Variants in SYNPO2 observed in about 807,000 individuals in gnomAD.
SYNPO2 encodes the protein synaptopodin 2, also known as synaptopodin-2.
A neutral mutation model predicts 85.0 loss-of-function variants in SYNPO2; 56 were observed. The ratio of observed to expected loss-of-function variants is 0.66; its 90% CI spans 0.53 to 0.82. The LOEUF is 0.82. SYNPO2 is among the 40% of genes least tolerant of loss of function. The pLI is 0.00. For synonymous variants in SYNPO2, 602 were observed against 591.1 expected, an observed-to-expected ratio of 1.02 and a Z score of -0.27; for missense variants, 1,575 against 1,534.2, an observed-to-expected ratio of 1.03 and a Z score of -0.44.
At chr4:118,998,904 T>G (rs1388686359) in intron 1 of SYNPO2, among the ~76,000 whole-genome samples, 6 of 152,284 alleles carry the variant, frequency 3.9e-5, no homozygotes, top group African/African-American at 1.2e-4. Flanking sequence ...GTTTTTGTTT[T>G]GTTTTTTCTT....
At chr4:118,968,362 G>A (rs769620925) in intron 1 of SYNPO2, among the ~76,000 whole-genome samples, 3 of 152,168 alleles carry the variant, frequency 2.0e-5, no homozygotes, top group Non-Finnish European at 2.9e-5. Context: ...TTACAGCAAT[G>A]TCCTGGCTCC....
chr4:118,867,235 C>T (rs749528486), intron 1 of SYNPO2, among the ~76,000 whole-genome samples: 5 of 152,082 alleles, frequency 3.3e-5, no homozygotes, highest in Non-Finnish European at 5.9e-5. Flanking sequence ...GAGTTTGCAT[C>T]TACAGTATCT....
intron 1 of SYNPO2, among the ~76,000 whole-genome samples, chr4:119,022,724 A>T (rs200893275): frequency 0.012 from 1,643 of 142,286 alleles, 37 homozygotes; most frequent in African/African-American, 0.039. Flanking sequence ...ATTTTATTTT[A>T]ATTTTATTTT....
intron 1 of SYNPO2, among the ~76,000 whole-genome samples, chr4:119,017,976 A>G (rs1737582935): frequency 6.6e-6 from 1 of 152,216 alleles, no homozygotes; most frequent in Non-Finnish European, 1.5e-5. Context: ...ACAACACAAG[A>G]GAAAAACGAG....
chr4:118,911,473 A>C (rs938091680), intron 1 of SYNPO2, among the ~76,000 whole-genome samples: 2 of 152,136 alleles, frequency 1.3e-5, no homozygotes, highest in African/African-American at 4.8e-5. Flanking sequence ...TCACCTTTCA[A>C]GCAGCTGGAG....
chr4:118,914,500 G>C (rs764287808), intron 1 of SYNPO2, among the ~76,000 whole-genome samples: 1 of 152,122 alleles, frequency 6.6e-6, no homozygotes, highest in Admixed American at 6.6e-5. Context: ...AGTTTAAAAA[G>C]GAGAGTATTT....
chr4:119,018,242 C>T (rs565477810), intron 1 of SYNPO2, among the ~76,000 whole-genome samples: 1 of 152,230 alleles, frequency 6.6e-6, no homozygotes, highest in South Asian at 2.1e-4. Flanking sequence ...AGATAATGCC[C>T]TCCACCTCCA....
chr4:118,871,275 CT>C lies in SYNPO2; in HGVS notation c.12+20346del, dbSNP rs144683675. ...ATCTTTATTTTTCTTTTCTTTATTT[CT>C]TTTTTTTTTTGGATGAAGTTTTGCT... On this transcript the variant is annotated intron_variant, in intron 1 of 4. Transcript: ENST00000610556. 2.8e-3 allele frequency among the ~76,000 whole-genome samples: 408 copies of C among 145,870 alleles called. 3 individuals carry two copies. The East Asian group carries it at 0.028, about 10-fold the overall frequency.
At chr4:118,995,985 A>G (rs1275083021) in intron 1 of SYNPO2, among the ~76,000 whole-genome samples, 23 of 152,038 alleles carry the variant, frequency 1.5e-4, no homozygotes, top group Admixed American at 1.0e-3. Context: ...GTCTTACTAA[A>G]CACAATCCGA....
chr4:118,933,829 G>GTTTTTTTTTTT lies in SYNPO2; in HGVS notation c.105+44695_105+44705dup, dbSNP rs71595334. On this transcript the variant is annotated intron_variant, in intron 1 of 4. Coordinates refer to ENST00000307142, the MANE Select transcript of SYNPO2 (RefSeq NM_133477.3). The stretch of plus-strand genomic sequence containing the variant: ...ATAGCTGCTTTTTGCTGTTGTTGTT[G>GTTTTTTTTTTT]TTTTTTTTTTTTTTTTTGGACAGTA... 4.8e-3 allele frequency among the ~76,000 whole-genome samples: 486 copies of GTTTTTTTTTTT among 101,948 alleles called. 8 individuals carry two copies. Among genetic ancestry groups the GTTTTTTTTTTT allele is most frequent in the Middle Eastern group, 0.01 (1 of 98 alleles). The allele number at this position is 101,948 out of a possible 152,430, so 66.9% of individuals were successfully genotyped here.
At chr4:118,876,665 TTCTCTTTCTTTCTTTCTTTCTTTC>T (rs1731917679) in intron 1 of SYNPO2, among the ~76,000 whole-genome samples, 1 of 135,268 alleles carries the variant, frequency 7.4e-6, no homozygotes, top group Admixed American at 7.2e-5. Context: ...CTTCCTTCCT[TTCTCTTTCTTTCTTTCTTTCTTTC>T]TTTCTTTCTT....
intron 1 of SYNPO2, among the ~76,000 whole-genome samples, chr4:119,008,117 G>A (rs1326577126): frequency 1.3e-5 from 2 of 152,166 alleles, no homozygotes; most frequent in Admixed American, 1.3e-4. Context: ...AGATTTCATA[G>A]ATTTCATAGT....
chr4:118,923,867 G>T (rs1443030039), intron 1 of SYNPO2, among the ~76,000 whole-genome samples: 1 of 133,718 alleles, frequency 7.5e-6, no homozygotes, highest in Non-Finnish European at 1.6e-5. Flanking sequence ...GGAAAGGACA[G>T]ACATTTCAAT....
intron 1 of SYNPO2, among the ~76,000 whole-genome samples, chr4:118,934,518 C>T (rs1218730578): frequency 6.6e-6 from 1 of 152,176 alleles, no homozygotes; most frequent in Non-Finnish European, 1.5e-5. Flanking sequence ...AACCCAATCA[C>T]TGTAGCCAGA....
At chr4:118,889,205 A>G (rs920691167) in intron 1 of SYNPO2, 64 bp downstream of exon 1, 8 of 1,473,222 alleles carry the variant, frequency 5.4e-6, no homozygotes, top group African/African-American at 1.4e-5. Context: ...CAACCTGCTG[A>G]TGGTGTTTTC....
intron 1 of SYNPO2, among the ~76,000 whole-genome samples, chr4:118,989,955 CATGAATACAGAG>C (rs1560951505): frequency 6.6e-6 from 1 of 152,198 alleles, no homozygotes; most frequent in Non-Finnish European, 1.5e-5. Flanking sequence ...TTAAATCTTT[CATGAATACAGAG>C]ATGAATATAC....
intron 1 of SYNPO2, among the ~76,000 whole-genome samples, chr4:118,984,874 G>C (rs1055729230): frequency 2.0e-5 from 3 of 152,102 alleles, no homozygotes; most frequent in Non-Finnish European, 2.9e-5. Context: ...GAATGTCATT[G>C]GTCCTCAAGA....
chr4:119,022,426 G>A (rs1287091561), intron 1 of SYNPO2, among the ~76,000 whole-genome samples: 1 of 151,288 alleles, frequency 6.6e-6, no homozygotes, highest in Non-Finnish European at 1.5e-5. Context: ...TCCACCTCCT[G>A]GCTCAAACAA....
chr4:118,964,534 G>GA (rs1489207474), intron 1 of SYNPO2, among the ~76,000 whole-genome samples: 1 of 151,716 alleles, frequency 6.6e-6, no homozygotes, highest in Admixed American at 6.6e-5. Context: ...GAGAGATATG[G>GA]AAAAAATGTT....
Sources: gnomAD v4.1 joint callset for allele counts (sites outside exome capture counted in the v4.1 genomes callset) on GRCh38, gnomAD v4.1.1 for gene constraint, MANE v1.5 for transcripts, NCBI Gene and HGNC (gene_info 2026-07-23, HGNC 2026-07-21) for gene names.